Variants in ZMYND12 observed in about 807,000 individuals in gnomAD.
ZMYND12 encodes zinc finger MYND domain-containing protein 12.
A neutral mutation model predicts 41.7 loss-of-function variants in ZMYND12; 32 were observed. The ratio of observed to expected loss-of-function variants is 0.77; its 90% CI spans 0.58 to 1.03. The LOEUF (loss-of-function observed/expected upper bound fraction) is 1.03, where lower values mean the gene tolerates loss of function less well. Among genes scored for constraint, ZMYND12 ranks in the 50% least tolerant of loss-of-function variants. The pLI is 0.00. For missense variants in ZMYND12, 424 were observed against 438.5 expected (o/e 0.97, Z 0.30); for synonymous variants, 148 against 164.8 (o/e 0.90, Z 0.78).
intron 3 of ZMYND12, among the ~76,000 whole-genome samples, chr1:42,443,210 G>A (rs1642988255): frequency 6.6e-6 from 1 of 152,202 alleles, no homozygotes; most frequent in African/African-American, 2.4e-5. Context: ...GCTAGAGAGA[G>A]AGAGTACGGT....
intron 2 of ZMYND12, 111 bp downstream of exon 2, chr1:42,449,806 GT>G: frequency 7.5e-7 from 1 of 1,331,726 alleles, no homozygotes; most frequent in Non-Finnish European, 1.0e-6. Flanking sequence ...ATAAAACAAA[GT>G]CTCTGCCCTC....
At chr1:42,436,235 G>A (rs1322841790) in intron 5 of ZMYND12, among the ~76,000 whole-genome samples, 186 bp downstream of exon 5, 1 of 152,200 alleles carries the variant, frequency 6.6e-6, no homozygotes, top group Non-Finnish European at 1.5e-5. Context: ...TATTTTGGTA[G>A]TGGAGACACT....
intron 1 of ZMYND12, 131 bp downstream of exon 1, chr1:42,455,757 G>C: frequency 1.5e-6 from 1 of 651,078 alleles, no homozygotes; most frequent in Non-Finnish European, 2.6e-6. Context: ...TTAGGGGCCT[G>C]TCTTAAAGCC....
intron 4 of ZMYND12, among the ~76,000 whole-genome samples, chr1:42,438,311 C>T (rs57548155): frequency 0.014 from 2,157 of 152,256 alleles, 55 homozygotes; most frequent in African/African-American, 0.05. Context: ...AAGAAACCAA[C>T]AAGGGCTAGG....
chr1:42,454,649 C>T (rs1221643563), intron 1 of ZMYND12, among the ~76,000 whole-genome samples: 1 of 152,084 alleles, frequency 6.6e-6, no homozygotes, highest in African/African-American at 2.4e-5. Context: ...CTGTCTAGCC[C>T]TAACCTTTAT....
intron 2 of ZMYND12, 136 bp downstream of exon 2, chr1:42,449,782 G>C (rs1407130582): frequency 9.9e-7 from 1 of 1,013,800 alleles, no homozygotes; most frequent in Non-Finnish European, 1.4e-6. Context: ...ATGGTGTTGA[G>C]GACTTAAAAA....
At chr1:42,444,680 G>C (rs1643003718) in intron 3 of ZMYND12, among the ~76,000 whole-genome samples, 1 of 151,998 alleles carries the variant, frequency 6.6e-6, no homozygotes, top group African/African-American at 2.4e-5. Flanking sequence ...TGATAATTAA[G>C]AATAGACACA....
chr1:42,440,109 C>A, intron 3 of ZMYND12, 84 bp from the exon 4 acceptor site: 1 of 1,373,944 alleles, frequency 7.3e-7, no homozygotes, highest in South Asian at 1.8e-5. Flanking sequence ...CCCATTCACT[C>A]ATGTATTCAT....
chr1:42,449,819 G>T, intron 2 of ZMYND12, 99 bp downstream of exon 2: 1 of 1,448,780 alleles, frequency 6.9e-7, no homozygotes, highest in Non-Finnish European at 9.3e-7. Flanking sequence ...TCTGCCCTCC[G>T]TGAGGTTACA....
intron 4 of ZMYND12, among the ~76,000 whole-genome samples, chr1:42,438,821 A>G (rs1292897394): frequency 6.6e-6 from 1 of 152,192 alleles, no homozygotes; most frequent in Non-Finnish European, 1.5e-5. Context: ...GAGGCTGAAG[A>G]GAGAACCAAC....
chr1:42,442,006 G>C (rs1040244193), intron 3 of ZMYND12, among the ~76,000 whole-genome samples: 1 of 152,162 alleles, frequency 6.6e-6, no homozygotes, highest in Non-Finnish European at 1.5e-5. Flanking sequence ...GGCAGATGCA[G>C]AACCTACAAA....
At chr1:42,438,994 G>A (rs1269992376) in intron 4 of ZMYND12, among the ~76,000 whole-genome samples, 1 of 152,166 alleles carries the variant, frequency 6.6e-6, no homozygotes, top group Non-Finnish European at 1.5e-5. Context: ...ACTTTGTACA[G>A]AGTTTTATCA....
At chr1:42,454,903 T>C (rs1309519152) in intron 1 of ZMYND12, among the ~76,000 whole-genome samples, 1 of 152,054 alleles carries the variant, frequency 6.6e-6, no homozygotes, top group Non-Finnish European at 1.5e-5. Context: ...AAATACATTT[T>C]TCCTGTACAC....
chr1:42,454,200 A>G (rs944072681), intron 1 of ZMYND12, among the ~76,000 whole-genome samples: 5 of 152,206 alleles, frequency 3.3e-5, no homozygotes, highest in African/African-American at 1.2e-4. Context: ...AGCAAAGAAA[A>G]AATGGGGTGA....
intron 3 of ZMYND12, among the ~76,000 whole-genome samples, chr1:42,445,035 C>T (rs1643008989): frequency 6.6e-6 from 1 of 151,404 alleles, no homozygotes; most frequent in Non-Finnish European, 1.5e-5. Context: ...GTCTCGATCT[C>T]CTGACCTCGT....
At chr1:42,439,700 T>C (rs1642948214) in intron 4 of ZMYND12, among the ~76,000 whole-genome samples, 156 bp downstream of exon 4, 1 of 152,212 alleles carries the variant, frequency 6.6e-6, no homozygotes, top group Non-Finnish European at 1.5e-5. Flanking sequence ...GTCGGTAGAA[T>C]TGTGTTATGG....
intron 3 of ZMYND12, among the ~76,000 whole-genome samples, chr1:42,446,077 C>T (rs1223856166): frequency 1.3e-5 from 2 of 152,080 alleles, no homozygotes; most frequent in Non-Finnish European, 2.9e-5. Context: ...GAGTTGGAAC[C>T]CACACAAGTG....
intron 1 of ZMYND12, 86 bp downstream of exon 1, chr1:42,455,802 G>A: frequency 1.9e-6 from 2 of 1,048,118 alleles, no homozygotes; most frequent in Non-Finnish European, 2.8e-6. Context: ...CAGGGGCAAC[G>A]GCTAACGCAA....
rs1385668812 is a variant in ZMYND12, at chr1:42,436,420, C to T, written c.717+1G>A. On this transcript the variant is annotated splice_donor_variant, in intron 5 of 7. Coordinates refer to ENST00000372565, the MANE Select transcript of ZMYND12 (RefSeq NM_032257.5). LOFTEE classifies it high-confidence loss of function. The stretch of plus-strand genomic sequence containing the variant: ...CTCAGCTCCCACATTCCCCAGCTCA[C>T]CTTGGTGTACAATGTGTCTGCCAGG... 4 of 1,613,072 alleles carry T rather than the reference C, an allele frequency of 2.5e-6. No homozygotes were observed. Among genetic ancestry groups the T allele is most frequent in the East Asian group, 2.2e-5 (1 of 44,832 alleles).
Sources: gnomAD v4.1 joint callset for allele counts (sites outside exome capture counted in the v4.1 genomes callset) on GRCh38, gnomAD v4.1.1 for gene constraint, MANE v1.5 for transcripts, NCBI Gene and HGNC (gene_info 2026-07-23, HGNC 2026-07-21) for gene names.